The following KCNJ12 variants were observed in gnomAD, a reference collection of about 807,000 sequenced individuals.
The protein encoded by KCNJ12 is potassium inwardly rectifying channel subfamily J member 12.
Under a neutral mutation model 22.3 loss-of-function variants are expected in KCNJ12, and 2 were observed. The ratio of observed to expected loss-of-function variants is 0.09; its 90% confidence interval spans 0.04 to 0.28. The LOEUF (loss-of-function observed/expected upper bound fraction) is 0.28, where lower values mean the gene tolerates loss of function less well. KCNJ12 is among the 10% of genes least tolerant of loss of function. The probability of loss-of-function intolerance (pLI) is 1.00; values close to 1 mark genes in which losing one functional copy is unlikely to be tolerated. For synonymous variants in KCNJ12, 117 were observed against 261.4 expected (o/e 0.45, Z 5.33); for missense variants, 155 against 633.3 (o/e 0.24, Z 8.11).
chr17:21,414,399 C>T (rs1657735), intron 2 of KCNJ12, among the ~76,000 whole-genome samples: 131 of 131,316 alleles, frequency 1.0e-3, no homozygotes, highest in African/African-American at 3.6e-3. Context: ...CGCTTGAACC[C>T]AGGAGGCGGA....
intron 2 of KCNJ12, among the ~76,000 whole-genome samples, chr17:21,412,329 C>G (rs1906403394): frequency 6.6e-6 from 1 of 152,280 alleles, no homozygotes; most frequent in Non-Finnish European, 1.5e-5. Flanking sequence ...GCTGTGGCAG[C>G]ACCCTCACCA....
At chr17:21,402,777 C>T (rs1288690123) in intron 1 of KCNJ12, among the ~76,000 whole-genome samples, 1 of 152,308 alleles carries the variant, frequency 6.6e-6, no homozygotes, top group Non-Finnish European at 1.5e-5. Context: ...CTGGCTGGCC[C>T]TTTGTGAAGA....
At chr17:21,380,043 C>T (rs1208477787) in intron 1 of KCNJ12, among the ~76,000 whole-genome samples, 1 of 152,170 alleles carries the variant, frequency 6.6e-6, no homozygotes, top group African/African-American at 2.4e-5. Flanking sequence ...AGGGACAGAA[C>T]TGCACCTTCC....
At chr17:21,410,102 A>G (rs2139260) in intron 2 of KCNJ12, among the ~76,000 whole-genome samples, 64,612 of 151,676 alleles carry the variant, frequency 0.43, 16,625 homozygotes, top group Non-Finnish European at 0.56. Context: ...AGGGTGCCCA[A>G]CACGTCTTTG....
At chr17:21,388,097 A>T (rs1905122860) in intron 1 of KCNJ12, among the ~76,000 whole-genome samples, 1 of 151,948 alleles carries the variant, frequency 6.6e-6, no homozygotes, top group Non-Finnish European at 1.5e-5. Flanking sequence ...TTCAAGTTAA[A>T]ACCTCTTGTT....
At chr17:21,398,829 A>G (rs192834691) in intron 1 of KCNJ12, among the ~76,000 whole-genome samples, 11 of 152,378 alleles carry the variant, frequency 7.2e-5, no homozygotes, top group Non-Finnish European at 1.3e-4. Flanking sequence ...GGCATGTGCT[A>G]GCATGTATCA....
chr17:21,407,501 ACCCATCCATCCACCCAATCATCTG>A (rs1906026717), intron 1 of KCNJ12, among the ~76,000 whole-genome samples: 2 of 150,862 alleles, frequency 1.3e-5, no homozygotes, highest in African/African-American at 2.4e-5. Context: ...TCATTCACTC[ACCCATCCATCCACCCAATCATCTG>A]CCCATCCATC....
chr17:21,413,689 G>A (rs1906511352), intron 2 of KCNJ12, among the ~76,000 whole-genome samples: 4 of 152,422 alleles, frequency 2.6e-5, no homozygotes, highest in African/African-American at 4.8e-5. Flanking sequence ...TGACAGGCCA[G>A]TGTGGGGCCT....
At chr17:21,406,411 C>T (rs1292128795) in intron 1 of KCNJ12, among the ~76,000 whole-genome samples, 2 of 152,312 alleles carry the variant, frequency 1.3e-5, no homozygotes, top group African/African-American at 4.8e-5. Context: ...ACCTGTCCAT[C>T]CATCCACCCA....
chr17:21,379,151 A>ACAG (rs1294488275), intron 1 of KCNJ12, among the ~76,000 whole-genome samples: 2 of 152,198 alleles, frequency 1.3e-5, no homozygotes, highest in African/African-American at 4.8e-5. Flanking sequence ...AACAGGAGTA[A>ACAG]CAGCAGCAGC....
At chr17:21,377,913 G>A (rs1555557476) in intron 1 of KCNJ12, among the ~76,000 whole-genome samples, 1 of 152,102 alleles carries the variant, frequency 6.6e-6, no homozygotes, top group Non-Finnish European at 1.5e-5. Flanking sequence ...GTACCGCGCT[G>A]CCTGTGGCCA....
At chr17:21,382,917 G>GAC (rs1904926290) in intron 1 of KCNJ12, among the ~76,000 whole-genome samples, 1 of 152,240 alleles carries the variant, frequency 6.6e-6, no homozygotes, top group Non-Finnish European at 1.5e-5. Flanking sequence ...GGTGCGACGT[G>GAC]ACACCTCCAC....
chr17:21,382,355 C>T (rs1775622221), intron 1 of KCNJ12, among the ~76,000 whole-genome samples: 1 of 152,144 alleles, frequency 6.6e-6, no homozygotes, highest in Admixed American at 6.5e-5. Context: ...CTGCCTTCAG[C>T]ATACATGTTT....
At chr17:21,382,351 T>G (rs1904897128) in intron 1 of KCNJ12, among the ~76,000 whole-genome samples, 1 of 152,110 alleles carries the variant, frequency 6.6e-6, no homozygotes, top group Admixed American at 6.5e-5. Context: ...TCTCCTGCCT[T>G]CAGCATACAT....
intron 1 of KCNJ12, among the ~76,000 whole-genome samples, chr17:21,377,922 CA>C (rs1295360037): frequency 6.6e-6 from 1 of 152,158 alleles, no homozygotes; most frequent in Non-Finnish European, 1.5e-5. Context: ...TGCCTGTGGC[CA>C]TTTCTAGTTT....
At chr17:21,377,639 C>CT (rs1444315148) in intron 1 of KCNJ12, among the ~76,000 whole-genome samples, 15 of 151,906 alleles carry the variant, frequency 9.9e-5, no homozygotes, top group Non-Finnish European at 1.8e-4. Context: ...GAATCAGGGG[C>CT]TCATGGGCAG....
chr17:21,409,296 G>GAGGAGGAGGAAGAGC, intron 2 of KCNJ12, among the ~76,000 whole-genome samples: 3 of 152,268 alleles, frequency 2.0e-5, no homozygotes, highest in African/African-American at 7.2e-5. Flanking sequence ...GGGGCAGAAG[G>GAGGAGGAGGAAGAGC]AGGAGGAGGA....
chr17:21,408,921 G>C (rs1714902), intron 2 of KCNJ12, among the ~76,000 whole-genome samples: 16,858 of 120,578 alleles, frequency 0.14, no homozygotes, highest in African/African-American at 0.21. Flanking sequence ...CATCTATCTG[G>C]TCACCCCTAT....
intron 1 of KCNJ12, among the ~76,000 whole-genome samples, chr17:21,393,057 C>T (rs1427467671): frequency 1.3e-5 from 2 of 152,166 alleles, no homozygotes; most frequent in South Asian, 4.1e-4. Context: ...TGTTCCCAGG[C>T]CAGCGCTGGA....
Sources: gnomAD v4.1 joint callset for allele counts (sites outside exome capture counted in the v4.1 genomes callset) on GRCh38, gnomAD v4.1.1 for gene constraint, MANE v1.5 for transcripts, NCBI Gene and HGNC (gene_info 2026-07-23, HGNC 2026-07-21) for gene names.